Variants in KRT33B observed in about 807,000 individuals in gnomAD.
The protein encoded by KRT33B is keratin, type I cuticular Ha3-II.
Under a neutral mutation model 42.7 loss-of-function variants are expected in KRT33B, and 37 were observed. The observed-to-expected ratio is 0.87, with a 90% CI of 0.67 to 1.14. The LOEUF is 1.14. KRT33B is among the 50% of genes most tolerant of loss of function. The pLI is 0.00. For synonymous variants in KRT33B, 237 were observed against 221.2 expected, an observed-to-expected ratio of 1.07 and a Z score of -0.63; for missense variants, 523 against 515.1, an observed-to-expected ratio of 1.02 and a Z score of -0.15.
rs1597692324 is a variant in KRT33B at position 41,369,455 on chromosome 17, A to G, written c.296T>C (p.Leu99Pro). The G allele has an allele frequency of 1.2e-6, 2 of 1,613,514 alleles. No homozygotes were observed. Among genetic ancestry groups the G allele is most frequent in the South Asian group, 1.1e-5 (1 of 91,088 alleles). ...GAAGTAGGACTGGTAGCTGGGGCAC[A>G]GCAAGGGCTCCTGCTGCTGAGACCG... is the stretch of plus-strand genomic sequence containing the variant. Reference protein sequence around the residue: ...RERSQQQEPLLCPSYQSYFKT... With the variant: ...RERSQQQEPLPCPSYQSYFKT... Residue 99 changes from leucine (L) to proline (P), a missense_variant, in exon 1 of 7, where the codon CTG (leucine) becomes CCG (proline). Physicochemically the swap from Leu to Pro is moderately conservative, Grantham distance 98. Coordinates refer to ENST00000251646, the MANE Select transcript of KRT33B (RefSeq NM_002279.5).
chr17:41,364,348 A>G (rs911672615), intron 6 of KRT33B, among the ~76,000 whole-genome samples: 1 of 151,404 alleles, frequency 6.6e-6, no homozygotes, highest in Non-Finnish European at 1.5e-5. Flanking sequence ...ATTGACACTC[A>G]AATGCTCATC....
rs553797257 is a variant in KRT33B at position 41,369,606 on chromosome 17, C to T, written c.145G>A (p.Glu49Lys). ...ANVSNCNWFC[E>K]GSFNGSEKET... ...TTCTCGCTGCCATTGAAGGAGCCCTCGCAGAACCAGTTGCAGTTGCTCACA... is the reference window on the plus strand; with the variant it reads ...TTCTCGCTGCCATTGAAGGAGCCCTTGCAGAACCAGTTGCAGTTGCTCACA... The change falls in exon 1 of 7, where the codon GAG becomes AAG. Residue 49 changes from glutamate (E) to lysine (K), a missense_variant. Transcript: ENST00000251646. The T allele has an allele frequency of 3.1e-6, 5 of 1,613,566 alleles. No individual in the cohort carries two copies. The highest frequency in any genetic ancestry group is 2.2e-5 in the South Asian group (2 of 91,064).
In KRT33B at chr17:41,369,431, A is replaced by C. The variant is rs754075896; in HGVS notation, c.320T>G (p.Phe107Cys). ...CTGCTGGAGCTCCTCAATGGTCTTG[A>C]AGTAGGACTGGTAGCTGGGGCACAG... ...PLLCPSYQSY[F>C]KTIEELQQKI... The change falls in exon 1 of 7, where the codon TTC becomes TGC. Residue 107 changes from phenylalanine (F) to cysteine (C), a missense_variant. By Grantham distance (205) the Phe-to-Cys change is radical. Transcript: ENST00000251646. 3.7e-6 allele frequency: 6 copies of C among 1,613,306 alleles called. No individual in the cohort carries two copies. The South Asian group carries it at 6.6e-5, about 18-fold the overall frequency.
At chr17:41,368,932 A>T (rs1567671948) in intron 1 of KRT33B, among the ~76,000 whole-genome samples, 1 of 151,518 alleles carries the variant, frequency 6.6e-6, no homozygotes, top group East Asian at 1.9e-4. Flanking sequence ...AGGATGGTCC[A>T]TGTGTCTGTA....
chr17:41,365,049 C>G (rs775798242), intron 5 of KRT33B, 50 bp from the exon 6 acceptor site: 1 of 1,610,198 alleles, frequency 6.2e-7, no homozygotes, highest in Non-Finnish European at 8.5e-7. Flanking sequence ...TTATAGGGTT[C>G]CTCCATGGGG....
Position 41,365,557 on chromosome 17 carries a change from A to T in KRT33B, c.589-4T>A. On this transcript the variant is annotated splice_region_variant and splice_polypyrimidine_tract_variant and intron_variant, in intron 3 of 6. Transcript: ENST00000251646. ...GGCAGCGCAAGGTGTTGACTTCCTAATGGAGAAAAGGGAAGAAATAAACCC... is the reference window on the plus strand; with the variant it reads ...GGCAGCGCAAGGTGTTGACTTCCTATTGGAGAAAAGGGAAGAAATAAACCC... 6.2e-7 allele frequency: 1 copy of T among 1,609,276 alleles called. No homozygotes were observed. Among genetic ancestry groups the T allele is most frequent in the Non-Finnish European group, 8.5e-7 (1 of 1,179,192 alleles).
At position 41,369,554 on chromosome 17, in the gene KRT33B, C is replaced by T. The variant is rs148092885; in HGVS notation, c.197G>A (p.Arg66His). ...CACCTTCTCCAGGTAGCTGGCCAGG[C>T]GGTCGTTCAGGAACTGCATAGTCTC... ...EKETMQFLND[R>H]LASYLEKVRQ... is the part of the protein sequence containing the mutation. Residue 66 changes from arginine to histidine, a missense_variant, in exon 1 of 7, where the codon CGC becomes CAC. Transcript: ENST00000251646. 5,112 of 1,613,962 alleles carry T rather than the reference C, an allele frequency of 3.2e-3. 12 individuals are homozygous for T. Among genetic ancestry groups the T allele is most frequent in the Non-Finnish European group, 4.0e-3 (4,739 of 1,180,046 alleles).
chr17:41,364,035 A>G (rs2017660723), intron 6 of KRT33B, 82 bp from the exon 7 acceptor site: 2 of 962,460 alleles, frequency 2.1e-6, no homozygotes, highest in Admixed American at 1.9e-5. Flanking sequence ...ACACAGAAAC[A>G]AGCAGAACCC....
Position 41,369,389 on chromosome 17 carries a change from G to A in KRT33B, c.348+14C>T. On this transcript the variant is annotated intron_variant, in intron 1 of 6. Transcript: ENST00000251646. ...TAGTTCATTAAGCTGGCAGTGTGGTGCCCACCTCCTCACCTTCTGCTGGAG... is the reference window on the plus strand; with the variant it reads ...TAGTTCATTAAGCTGGCAGTGTGGTACCCACCTCCTCACCTTCTGCTGGAG... The A allele has an allele frequency of 6.2e-7, 1 of 1,612,120 alleles. No homozygotes were observed. Among genetic ancestry groups the A allele is most frequent in the East Asian group, 2.2e-5 (1 of 44,858 alleles).
intron 1 of KRT33B, among the ~76,000 whole-genome samples, chr17:41,368,587 A>G (rs2017732523): frequency 1.3e-5 from 2 of 151,286 alleles, no homozygotes; most frequent in African/African-American, 4.9e-5. Context: ...CTTACTCAGT[A>G]CATTATCCCC....
intron 6 of KRT33B, 78 bp downstream of exon 6, chr17:41,364,701 G>A: frequency 6.4e-7 from 1 of 1,573,784 alleles, no homozygotes; most frequent in Admixed American, 1.7e-5. Context: ...TCTGAAACTT[G>A]ATTTTCAAAG....
At position 41,369,555 on chromosome 17, in the gene KRT33B, G is replaced by T; in HGVS notation, c.196C>A (p.Arg66Ser). 4.3e-6 allele frequency: 7 copies of T among 1,613,930 alleles called. No homozygotes were observed. The highest frequency in any genetic ancestry group is 2.2e-5 in the East Asian group (1 of 44,882). Residue 66 changes from arginine (R) to serine (S), a missense_variant, in exon 1 of 7, where the codon CGC becomes AGC. Physicochemically the swap from Arg to Ser is moderately radical, Grantham distance 110 (BLOSUM62 -1). Transcript: ENST00000251646. ...ACCTTCTCCAGGTAGCTGGCCAGGC[G>T]GTCGTTCAGGAACTGCATAGTCTCC... ...EKETMQFLND[R>S]LASYLEKVRQ...
In KRT33B at chr17:41,365,384, A is replaced by G; in HGVS notation, c.750+8T>C. 6.2e-7 allele frequency: 1 copy of G among 1,609,902 alleles called. No individual in the cohort carries two copies. On this transcript the variant is annotated splice_region_variant and intron_variant, in intron 4 of 6. Transcript: ENST00000251646. Reference sequence around the variant, plus strand: ...GGGTCCTGAGTGGCCACGTGCTTAGATGCCCACCTGCGTGGCGAACCATTG... The same window carrying G: ...GGGTCCTGAGTGGCCACGTGCTTAGGTGCCCACCTGCGTGGCGAACCATTG...
At position 41,366,491 on chromosome 17, in the gene KRT33B, G is replaced by A. The variant is rs2017702414; in HGVS notation, c.567C>T (p.Ser189=). The A allele has an allele frequency of 1.2e-6, 2 of 1,612,446 alleles. No individual in the cohort carries two copies. The highest frequency in any genetic ancestry group is 2.2e-5 in the South Asian group (2 of 91,040). Residue 189 remains serine, a synonymous_variant, in exon 3 of 7, where the codon TCC becomes TCT. Coordinates refer to ENST00000251646, the MANE Select transcript of KRT33B (RefSeq NM_002279.5). Reference sequence around the variant, plus strand: ...TTACCTGCTCATGGTTCTGCTTGAGGGACAGCAGCTCCTCCTTCAGGGACT... The same window carrying A: ...TTACCTGCTCATGGTTCTGCTTGAGAGACAGCAGCTCCTCCTTCAGGGACT... ...QMESLKEELL[S]LKQNHEQEVN... is the part of the protein sequence containing the mutation.
intron 1 of KRT33B, among the ~76,000 whole-genome samples, chr17:41,368,670 T>C (rs1188414315): frequency 6.6e-6 from 1 of 151,326 alleles, no homozygotes; most frequent in Non-Finnish European, 1.5e-5. Context: ...GCACAACCCC[T>C]TTCTGGCATC....
At position 41,366,623 on chromosome 17, in the gene KRT33B, G is replaced by C; in HGVS notation, c.435C>G (p.Tyr145Ter). 6.2e-7 allele frequency: 1 copy of C among 1,604,914 alleles called. No individual in the cohort carries two copies. Among genetic ancestry groups the C allele is most frequent in the African/African-American group, 1.4e-5 (1 of 72,720 alleles). The change falls in exon 3 of 7, where the codon TAC becomes TAG. Residue 145 changes from tyrosine (Y) to a stop codon, truncating the protein, a stop_gained. Coordinates refer to ENST00000251646, the MANE Select transcript of KRT33B (RefSeq NM_002279.5). LOFTEE classifies it high-confidence loss of function. ...GCTGCCGCAGGGACTGCTCCGTCTG[G>C]TACCTGCACACACAGCCAGAGGTCA... Reference protein sequence around the residue: ...KLAADDFRTKYQTEQSLRQLV... With the variant: ...KLAADDFRTK
rs2017721871 is a variant in KRT33B, at chr17:41,367,916, G to A, written c.423C>T (p.Phe141=). 4.3e-6 allele frequency: 7 copies of A among 1,612,826 alleles called. No individual in the cohort carries two copies. Among genetic ancestry groups the A allele is most frequent in the Non-Finnish European group, 5.9e-6 (7 of 1,179,968 alleles). Residue 141 remains phenylalanine, a synonymous_variant, in exon 2 of 7, where the codon TTC becomes TTT. Coordinates refer to ENST00000251646, the MANE Select transcript of KRT33B (RefSeq NM_002279.5). ...IDNAKLAADD[F]RTKYQTEQSL... The stretch of plus-strand genomic sequence containing the variant: ...GGTTAGGAAAATCTTACTTGGTTCT[G>A]AAGTCATCTGCAGCCAGCTTGGCAT...
At chr17:41,368,933 T>G (rs936827943) in intron 1 of KRT33B, among the ~76,000 whole-genome samples, 1 of 151,466 alleles carries the variant, frequency 6.6e-6, no homozygotes, top group African/African-American at 2.5e-5. Flanking sequence ...GGATGGTCCA[T>G]GTGTCTGTAG....
chr17:41,367,905 T>G lies in KRT33B; in HGVS notation c.431+3A>C, dbSNP rs746073403. The G allele has an allele frequency of 6.2e-7, 1 of 1,612,540 alleles. No homozygotes were observed. Reference sequence around the variant, plus strand: ...ACTGCTCTGATGGTTAGGAAAATCTTACTTGGTTCTGAAGTCATCTGCAGC... The same window carrying G: ...ACTGCTCTGATGGTTAGGAAAATCTGACTTGGTTCTGAAGTCATCTGCAGC... On this transcript the variant is annotated splice_donor_region_variant and intron_variant, in intron 2 of 6. Transcript: ENST00000251646.
Sources: allele counts gnomAD v4.1 joint callset (sites outside exome capture counted in the v4.1 genomes callset), GRCh38; gene constraint gnomAD v4.1.1; transcripts MANE v1.5; gene names NCBI Gene and HGNC (gene_info 2026-07-23, HGNC 2026-07-21).